Variants in ARHGEF16 observed in about 807,000 individuals in gnomAD.
ARHGEF16 encodes Rho guanine exchange factor (GEF) 16.
A neutral mutation model predicts 74.1 loss-of-function variants in ARHGEF16; 59 were observed. The observed-to-expected ratio is 0.80, with a 90% CI of 0.65 to 0.99. ARHGEF16 has a LOEUF of 0.99. Ranked by LOEUF, ARHGEF16 falls within the 50% of genes least tolerant of loss-of-function variation. The pLI, the probability that ARHGEF16 is intolerant of heterozygous loss-of-function variation, is 0.00. For synonymous variants in ARHGEF16, 415 were observed against 412.6 expected, an observed-to-expected ratio of 1.01 and a Z score of -0.07; for missense variants, 948 against 986.6, an observed-to-expected ratio of 0.96 and a Z score of 0.52.
chr1:3,474,891 G>A (rs2100755862), intron 9 of ARHGEF16, 109 bp downstream of exon 9: 2 of 936,016 alleles, frequency 2.1e-6, no homozygotes, highest in South Asian at 2.9e-5. Flanking sequence ...TACCTTCCAG[G>A]GCAGCGAGTG....
intron 1 of ARHGEF16, among the ~76,000 whole-genome samples, chr1:3,460,819 G>A (rs1190943316): frequency 6.6e-6 from 1 of 152,108 alleles, no homozygotes; most frequent in Non-Finnish European, 1.5e-5. Flanking sequence ...GTACCCTCCC[G>A]GCCAGCGTGG....
intron 10 of ARHGEF16, among the ~76,000 whole-genome samples, chr1:3,477,215 G>A (rs1408885855): frequency 3.3e-5 from 2 of 60,094 alleles, no homozygotes; most frequent in South Asian, 1.3e-3. Context: ...AGTCGCTGAG[G>A]AGCGGGAGCT....
rs1255262986 is a variant in ARHGEF16 at position 3,467,279 on chromosome 1, C to T, written c.746C>T (p.Ala249Val). The change falls in exon 4 of 15, where the codon GCC (alanine) becomes GTC (valine). Residue 249 changes from alanine to valine, a missense_variant. Coordinates refer to ENST00000378378, the MANE Select transcript of ARHGEF16 (RefSeq NM_014448.4). ...CCCGAGGGAACCCAGAAGGTGGACG[C>T]CACCATTGTGGTCAAGAGCTACCGG... is the stretch of plus-strand genomic sequence containing the variant. ...SSPEGTQKVDATIVVKSYRPA... is the reference protein window; with the variant it reads ...SSPEGTQKVDVTIVVKSYRPA... The T allele has an allele frequency of 4.5e-6, 7 of 1,550,402 alleles. No homozygotes were observed. The highest frequency in any genetic ancestry group is 6.1e-6 in the Non-Finnish European group (7 of 1,146,882).
intron 6 of ARHGEF16, chr1:3,472,718 G>A (rs1046015761): frequency 6.0e-5 from 11 of 182,154 alleles, no homozygotes; most frequent in East Asian, 4.5e-4. Flanking sequence ...CTTGAAGGGC[G>A]AAGGGCACCA....
At chr1:3,479,690 G>C in intron 13 of ARHGEF16, 100 bp downstream of exon 13, 2 of 1,560,858 alleles carry the variant, frequency 1.3e-6, no homozygotes, top group Non-Finnish European at 1.7e-6. Flanking sequence ...CCTTGTGCTG[G>C]GGCCTGGCAG....
Position 3,478,649 on chromosome 1 carries a change from A to G in ARHGEF16, c.1814+37A>G, listed in dbSNP as rs774511740. 3.2e-6 allele frequency: 5 copies of G among 1,572,542 alleles called. No homozygotes were observed. The East Asian group carries it at 1.1e-4, about 36-fold the overall frequency. ...CCCGGGAGGGCTGTTCCCAGGCCAC[A>G]GGCACATTAGCTCCATGGGGACCGG... On this transcript the variant is annotated intron_variant, in intron 12 of 14. Transcript: ENST00000378378.
intron 13 of ARHGEF16, 58 bp from the exon 14 acceptor site, chr1:3,479,754 G>T: frequency 6.3e-7 from 1 of 1,584,574 alleles, no homozygotes; most frequent in Admixed American, 1.7e-5. Flanking sequence ...AGGCCGTTGG[G>T]GAGTGGAGCC....
chr1:3,479,211 T>C (rs577621793), intron 12 of ARHGEF16, among the ~76,000 whole-genome samples: 14 of 152,190 alleles, frequency 9.2e-5, no homozygotes, highest in African/African-American at 3.4e-4. Flanking sequence ...CAGATGAGGA[T>C]GCTGAGGCTG....
chr1:3,472,641 G>A, intron 6 of ARHGEF16: 1 of 160,680 alleles, frequency 6.2e-6, no homozygotes, highest in Non-Finnish European at 1.4e-5. Context: ...TTCTTCCCAG[G>A]GGCAAGCTGG....
At chr1:3,479,447 C>T (rs2100763137) in intron 12 of ARHGEF16, 70 bp from the exon 13 acceptor site, 2 of 1,554,812 alleles carry the variant, frequency 1.3e-6, no homozygotes, top group South Asian at 1.1e-5. Context: ...GGGTGGCTGT[C>T]AGAAGTCAAG....
intron 4 of ARHGEF16, chr1:3,468,461 G>A: frequency 4.7e-6 from 1 of 212,192 alleles, no homozygotes; most frequent in Non-Finnish European, 9.6e-6. Flanking sequence ...GTCACCCATA[G>A]CTTCCAGGCA....
At chr1:3,460,270 A>C (rs1410973329) in intron 1 of ARHGEF16, among the ~76,000 whole-genome samples, 1 of 152,168 alleles carries the variant, frequency 6.6e-6, no homozygotes, top group Non-Finnish European at 1.5e-5. Flanking sequence ...GCAGTGGAGC[A>C]GACTTTGATC....
intron 1 of ARHGEF16, among the ~76,000 whole-genome samples, chr1:3,455,442 T>A (rs949991346): frequency 5.9e-5 from 9 of 151,640 alleles, no homozygotes; most frequent in African/African-American, 2.2e-4. Flanking sequence ...GGGGGAGGGG[T>A]GCGTCCCACC....
At chr1:3,471,979 C>T (rs956886445) in intron 6 of ARHGEF16, among the ~76,000 whole-genome samples, 4 of 152,218 alleles carry the variant, frequency 2.6e-5, no homozygotes, top group Admixed American at 2.6e-4. Context: ...GCTGGGGATT[C>T]TCAAGGGCAA....
chr1:3,466,719 G>A (rs761008737), intron 3 of ARHGEF16, among the ~76,000 whole-genome samples: 2 of 152,202 alleles, frequency 1.3e-5, no homozygotes, highest in Non-Finnish European at 2.9e-5. Context: ...AAAGAGATTA[G>A]AGGCAATGAA....
At chr1:3,474,587 G>T (rs945062335) in intron 8 of ARHGEF16, 121 bp from the exon 9 acceptor site, 10 of 880,998 alleles carry the variant, frequency 1.1e-5, no homozygotes, top group Non-Finnish European at 1.9e-5. Flanking sequence ...GGCCCTGCAG[G>T]AGCCCCCTGG....
chr1:3,464,572 T>C (rs566733485), intron 2 of ARHGEF16, among the ~76,000 whole-genome samples: 1 of 152,268 alleles, frequency 6.6e-6, no homozygotes. Flanking sequence ...GCAGAGCAGA[T>C]GCAGGGCTGG....
chr1:3,462,821 A>C (rs2493255), intron 1 of ARHGEF16, among the ~76,000 whole-genome samples: 10,218 of 152,218 alleles, frequency 0.067, 577 homozygotes, highest in East Asian at 0.22. Flanking sequence ...AGCTCGGAGA[A>C]CCAGCGCCTG....
At chr1:3,463,814 T>G (rs1474745310) in intron 2 of ARHGEF16, 142 bp downstream of exon 2, 1 of 671,832 alleles carries the variant, frequency 1.5e-6, no homozygotes, top group Non-Finnish European at 2.2e-6. Flanking sequence ...GACTGGTTTA[T>G]TCCAGTTCAG....
Sources: allele counts gnomAD v4.1 joint callset (sites outside exome capture counted in the v4.1 genomes callset), GRCh38; gene constraint gnomAD v4.1.1; transcripts MANE v1.5; gene names NCBI Gene and HGNC (gene_info 2026-07-23, HGNC 2026-07-21).